CDH18: variants seen among roughly 807,000 people sequenced by gnomAD.
CDH18 encodes the protein cadherin 18.
A neutral mutation model predicts 67.9 loss-of-function variants in CDH18; 31 were observed. That is an observed-to-expected ratio of 0.46 (90% CI 0.34 to 0.62). CDH18 has a LOEUF of 0.62. Ranked by LOEUF, CDH18 falls within the 20% of genes least tolerant of loss-of-function variation. The probability of loss-of-function intolerance (pLI) is 0.01; values close to 1 mark genes in which losing one functional copy is unlikely to be tolerated. For missense variants in CDH18, 890 were observed against 975.5 expected (o/e 0.91, Z 1.17); for synonymous variants, 362 against 347.2 (o/e 1.04, Z -0.48).
intron 2 of CDH18, among the ~76,000 whole-genome samples, chr5:19,863,898 G>A (rs539538587): frequency 6.6e-6 from 1 of 152,192 alleles, no homozygotes; most frequent in African/African-American, 2.4e-5. Flanking sequence ...AACTCGATGT[G>A]GAGAAATAGG....
At chr5:20,011,231 A>T (rs1737411488) in intron 2 of CDH18, among the ~76,000 whole-genome samples, 1 of 152,074 alleles carries the variant, frequency 6.6e-6, no homozygotes, top group Admixed American at 6.6e-5. Context: ...GTGAATGGGA[A>T]TTCATTTGTG....
chr5:20,029,263 A>G (rs2150447771), intron 2 of CDH18, among the ~76,000 whole-genome samples: 1 of 152,294 alleles, frequency 6.6e-6, no homozygotes, highest in Admixed American at 6.5e-5. Context: ...TGATTGTTGC[A>G]AAGTTCAAAG....
chr5:19,785,099 G>T (rs573371042), intron 3 of CDH18, among the ~76,000 whole-genome samples: 1 of 152,054 alleles, frequency 6.6e-6, no homozygotes, highest in Admixed American at 6.6e-5. Flanking sequence ...CACATTCTCA[G>T]GACTTCTTGA....
intron 2 of CDH18, among the ~76,000 whole-genome samples, chr5:20,182,412 G>A (rs1402329375): frequency 6.6e-6 from 1 of 151,730 alleles, no homozygotes; most frequent in Non-Finnish European, 1.5e-5. Context: ...AGACCAGCCT[G>A]ACCAAAATGG....
rs193195009 is a variant in CDH18 at position 20,331,139 on chromosome 5, A to T, written c.-579-75634T>A. 4.5e-3 allele frequency among the ~76,000 whole-genome samples: 690 copies of T among 152,338 alleles called. 9 individuals are homozygous for T. The highest frequency in any genetic ancestry group is 0.016 in the African/African-American group (662 of 41,582). On this transcript the variant is annotated intron_variant, in intron 1 of 14. Transcript: ENST00000507958. Reference sequence around the variant, plus strand: ...GGGAAAATATTAGTTGTAGAAGATTAATGATAGATCTATGTTTTCTTTAAC... The same window carrying T: ...GGGAAAATATTAGTTGTAGAAGATTTATGATAGATCTATGTTTTCTTTAAC...
At chr5:20,113,482 T>C (rs944611092) in intron 2 of CDH18, among the ~76,000 whole-genome samples, 1 of 152,192 alleles carries the variant, frequency 6.6e-6, no homozygotes, top group Non-Finnish European at 1.5e-5. Flanking sequence ...CTCTGGCAGA[T>C]TGATTGCATT....
chr5:19,499,532 A>C (rs992141474), intron 11 of CDH18, among the ~76,000 whole-genome samples: 1 of 152,038 alleles, frequency 6.6e-6, no homozygotes, highest in African/African-American at 2.4e-5. Context: ...TGTCAAAACT[A>C]TAATTTTATT....
At chr5:20,013,417 G>T (rs542124426) in intron 2 of CDH18, among the ~76,000 whole-genome samples, 1 of 152,092 alleles carries the variant, frequency 6.6e-6, no homozygotes, top group East Asian at 1.9e-4. Context: ...TAAGTTATCC[G>T]TTGTAGCTCA....
chr5:20,179,925 A>G (rs1737550907), intron 2 of CDH18, among the ~76,000 whole-genome samples: 1 of 152,058 alleles, frequency 6.6e-6, no homozygotes, highest in East Asian at 1.9e-4. Context: ...TGGAGGGAAA[A>G]GTCACTAGAA....
intron 2 of CDH18, among the ~76,000 whole-genome samples, chr5:20,082,405 G>T (rs989469409): frequency 3.3e-5 from 5 of 152,132 alleles, no homozygotes; most frequent in African/African-American, 4.8e-5. Context: ...TAATAGAAAT[G>T]ACAATTGCTT....
At chr5:19,599,532 C>T (rs1746713514) in intron 6 of CDH18, among the ~76,000 whole-genome samples, 1 of 152,100 alleles carries the variant, frequency 6.6e-6, no homozygotes, top group Admixed American at 6.5e-5. Context: ...GAGAAAAGAA[C>T]ACCCCCAGTT....
At chr5:20,570,445 C>T (rs1269728335) in intron 1 of CDH18, among the ~76,000 whole-genome samples, 1 of 152,136 alleles carries the variant, frequency 6.6e-6, no homozygotes, top group Non-Finnish European at 1.5e-5. Flanking sequence ...TGCCTCACTA[C>T]TGGATCTTCT....
intron 5 of CDH18, among the ~76,000 whole-genome samples, chr5:19,696,754 G>A (rs370559464): frequency 3.3e-5 from 5 of 152,010 alleles, no homozygotes; most frequent in Non-Finnish European, 5.9e-5. Flanking sequence ...ATGAGAGTAC[G>A]GGAACCACCA....
intron 2 of CDH18, among the ~76,000 whole-genome samples, chr5:20,050,255 T>TA (rs1741297818): frequency 6.6e-6 from 1 of 151,984 alleles, no homozygotes; most frequent in South Asian, 2.1e-4. Flanking sequence ...TTTTGTTTTT[T>TA]AAAATGCCTA....
intron 3 of CDH18, among the ~76,000 whole-genome samples, chr5:19,786,834 A>G (rs1490615007): frequency 1.3e-5 from 2 of 151,690 alleles, no homozygotes; most frequent in African/African-American, 2.4e-5. Flanking sequence ...TCTGTGTGCT[A>G]GGCATGGCTG....
intron 2 of CDH18, among the ~76,000 whole-genome samples, chr5:20,037,154 A>G (rs1739949057): frequency 1.3e-5 from 2 of 152,050 alleles, no homozygotes; most frequent in African/African-American, 4.8e-5. Flanking sequence ...TGATCCTGTC[A>G]TTATGATGCT....
At chr5:20,208,623 G>A (rs1740102478) in intron 2 of CDH18, among the ~76,000 whole-genome samples, 1 of 151,790 alleles carries the variant, frequency 6.6e-6, no homozygotes, top group Non-Finnish European at 1.5e-5. Flanking sequence ...ACTACTAGAA[G>A]AAAGCATTGC....
chr5:19,579,208 T>C (rs1742820948), intron 7 of CDH18, among the ~76,000 whole-genome samples: 1 of 151,986 alleles, frequency 6.6e-6, no homozygotes, highest in African/African-American at 2.4e-5. Context: ...TTTGTATATA[T>C]TGTGATTTCT....
rs558188351 is a variant in CDH18, at chr5:20,537,121, C to T, written c.-580+38341G>A. The stretch of plus-strand genomic sequence containing the variant: ...TTCTCTTTTTCTCACATAATCTTAT[C>T]ATAAACCATTAGAGGGCTGATAACT... On this transcript the variant is annotated intron_variant, in intron 1 of 14. Coordinates refer to the CDH18 transcript ENST00000507958. Among the ~76,000 whole-genome samples the T allele has an allele frequency of 1.1e-4, 16 of 152,238 alleles. No individual in the cohort carries two copies. In the South Asian group the frequency reaches 3.1e-3, roughly 30 times the overall value.
Sources: allele counts gnomAD v4.1 joint callset (sites outside exome capture counted in the v4.1 genomes callset), GRCh38; gene constraint gnomAD v4.1.1; transcripts MANE v1.5; gene names NCBI Gene and HGNC (gene_info 2026-07-23, HGNC 2026-07-21).